The following IKZF3 variants were observed in gnomAD, a reference collection of about 807,000 sequenced individuals.
The protein encoded by IKZF3 is zinc finger protein Aiolos.
IKZF3 carries 10 observed loss-of-function variants against 49.0 expected under a neutral mutation model. That is an observed-to-expected ratio of 0.20 (90% confidence interval 0.13 to 0.35). The LOEUF (loss-of-function observed/expected upper bound fraction) is 0.35, where lower values mean the gene tolerates loss of function less well. IKZF3 is among the 10% of genes least tolerant of loss of function. The probability of loss-of-function intolerance (pLI) is 1.00; values close to 1 mark genes in which losing one functional copy is unlikely to be tolerated. For missense variants in IKZF3, 498 were observed against 664.8 expected, an observed-to-expected ratio of 0.75 and a Z score of 2.76; for synonymous variants, 209 against 228.2, an observed-to-expected ratio of 0.92 and a Z score of 0.76.
intron 3 of IKZF3, among the ~76,000 whole-genome samples, chr17:39,798,258 AT>A (rs1406397760): frequency 1.3e-5 from 2 of 151,928 alleles, no homozygotes; most frequent in African/African-American, 4.8e-5. Flanking sequence ...CTCTTCCTAA[AT>A]TCTACCTCTG....
At chr17:39,808,876 A>G (rs1193513623) in intron 3 of IKZF3, among the ~76,000 whole-genome samples, 2 of 152,246 alleles carry the variant, frequency 1.3e-5, no homozygotes, top group East Asian at 3.8e-4. Context: ...ACCATTAAGT[A>G]GTGTTTGTTC....
chr17:39,851,743 G>A (rs1249828843), intron 1 of IKZF3, among the ~76,000 whole-genome samples: 1 of 152,064 alleles, frequency 6.6e-6, no homozygotes, highest in African/African-American at 2.4e-5. Context: ...TTGTATAAAG[G>A]TGAAAAATAA....
chr17:39,775,824 T>C (rs2060567114), intron 7 of IKZF3, among the ~76,000 whole-genome samples: 1 of 150,646 alleles, frequency 6.6e-6, no homozygotes, highest in Non-Finnish European at 1.5e-5. Flanking sequence ...CTCAGGAGGC[T>C]GAGGCAGGAA....
At chr17:39,801,102 G>A (rs570255790) in intron 3 of IKZF3, among the ~76,000 whole-genome samples, 11 of 152,250 alleles carry the variant, frequency 7.2e-5, no homozygotes, top group Admixed American at 4.6e-4. Flanking sequence ...CAGGTCTGCC[G>A]GAGATATTGT....
rs2060117042 is a variant in IKZF3, at chr17:39,758,743, TTCCAAGGGTCAGCAGATCCTC to T, written c.*7026_*7046del. On this transcript the variant is annotated 3_prime_UTR_variant, in exon 8 of 8. Coordinates refer to ENST00000346872, the MANE Select transcript of IKZF3 (RefSeq NM_012481.5). ...ATAGCACGTGGTTAGCTCACGCTGG[TTCCAAGGGTCAGCAGATCCTC>T]TGCCCTTGTGCATTAAAACAACATG... 1 of 151,378 alleles carries T rather than the reference TTCCAAGGGTCAGCAGATCCTC, an allele frequency of 6.6e-6. No homozygotes were observed. The highest frequency in any genetic ancestry group is 6.6e-5 in the Admixed American group (1 of 15,150). 9.4% of individuals were successfully genotyped at this position (151,378 alleles called of 1,614,324 possible).
chr17:39,833,889 T>G (rs2062186558), intron 1 of IKZF3, among the ~76,000 whole-genome samples: 1 of 152,194 alleles, frequency 6.6e-6, no homozygotes, highest in African/African-American at 2.4e-5. Context: ...TGAATATATA[T>G]TCATACATTA....
chr17:39,801,359 G>C (rs958998674), intron 3 of IKZF3, among the ~76,000 whole-genome samples: 17 of 138,096 alleles, frequency 1.2e-4, no homozygotes, highest in African/African-American at 4.7e-4. Flanking sequence ...GAAAGGGGGT[G>C]GGGGGGGGCT....
At chr17:39,854,050 T>C (rs1197493113) in intron 1 of IKZF3, among the ~76,000 whole-genome samples, 3 of 152,176 alleles carry the variant, frequency 2.0e-5, no homozygotes, top group South Asian at 4.1e-4. Context: ...CACTTGAACC[T>C]GGGAGGCGGA....
intron 5 of IKZF3, among the ~76,000 whole-genome samples, 200 bp from the exon 6 acceptor site, chr17:39,788,574 T>C (rs1027741825): frequency 5.9e-5 from 9 of 152,226 alleles, no homozygotes; most frequent in African/African-American, 1.9e-4. Context: ...GTCAGAGTAT[T>C]CTTCAAAAGG....
intron 3 of IKZF3, among the ~76,000 whole-genome samples, chr17:39,820,143 A>T (rs1231870404): frequency 6.6e-6 from 1 of 152,236 alleles, no homozygotes; most frequent in African/African-American, 2.4e-5. Context: ...TAGCCCAAGA[A>T]GGCTGGAAGG....
chr17:39,793,098 T>G (rs2061070847), intron 3 of IKZF3, among the ~76,000 whole-genome samples, 165 bp from the exon 4 acceptor site: 1 of 152,224 alleles, frequency 6.6e-6, no homozygotes, highest in African/African-American at 2.4e-5. Context: ...CGCACGTTAT[T>G]TAAATTCAGA....
In IKZF3 at chr17:39,760,344, A is replaced by G; in HGVS notation, c.*5446T>C. 6.6e-6 allele frequency: 1 copy of G among 150,522 alleles called. No homozygotes were observed. Among genetic ancestry groups the G allele is most frequent in the Non-Finnish European group, 1.5e-5 (1 of 67,762 alleles). 9.3% of individuals were successfully genotyped at this position (150,522 alleles called of 1,614,324 possible). Reference sequence around the variant, plus strand: ...GCTAATTTTTGTATTTTTTTTTTCGAGATGGAGTCTCACTCTGTCACCCAG... The same window carrying G: ...GCTAATTTTTGTATTTTTTTTTTCGGGATGGAGTCTCACTCTGTCACCCAG... On this transcript the variant is annotated 3_prime_UTR_variant, in exon 8 of 8. Coordinates refer to ENST00000346872, the MANE Select transcript of IKZF3 (RefSeq NM_012481.5).
chr17:39,791,425 T>C lies in IKZF3; in HGVS notation c.583A>G (p.Thr195Ala). ...CATTTCTCTCACTTACCAGAATGTG[T>C]CCTAAGATGCCCCGTGAGCGCATCT... ...RRDALTGHLR[T>A]HSVEKPYKCE... is the part of the protein sequence containing the mutation. The change falls in exon 5 of 8, where the codon ACA becomes GCA. Residue 195 changes from threonine (T) to alanine (A), a missense_variant. By Grantham distance (58) the Thr-to-Ala change is moderately conservative. Coordinates refer to ENST00000346872, the MANE Select transcript of IKZF3 (RefSeq NM_012481.5). 6.2e-7 allele frequency: 1 copy of C among 1,613,934 alleles called. No homozygotes were observed. The highest frequency in any genetic ancestry group is 8.5e-7 in the Non-Finnish European group (1 of 1,179,886).
intron 7 of IKZF3, among the ~76,000 whole-genome samples, chr17:39,776,980 ATGGTCACATTTATGTAAACATC>A (rs1444449604): frequency 1.3e-5 from 2 of 152,258 alleles, no homozygotes; most frequent in Non-Finnish European, 2.9e-5. Context: ...TTCAAATATC[ATGGTCACATTTATGTAAACATC>A]TGGGAGAGTT....
chr17:39,851,489 G>A (rs1018045930), intron 1 of IKZF3, among the ~76,000 whole-genome samples: 1 of 152,082 alleles, frequency 6.6e-6, no homozygotes, highest in East Asian at 1.9e-4. Context: ...ATAAAACAGA[G>A]TGAACTACTA....
intron 2 of IKZF3, 128 bp downstream of exon 2, chr17:39,831,970 C>G (rs536305251): frequency 1.4e-5 from 9 of 658,202 alleles, no homozygotes; most frequent in Middle Eastern, 2.6e-4. Context: ...AACAGACAAC[C>G]ATATTTAAAA....
At chr17:39,811,493 T>C (rs934562123) in intron 3 of IKZF3, among the ~76,000 whole-genome samples, 3 of 152,034 alleles carry the variant, frequency 2.0e-5, no homozygotes, top group Middle Eastern at 3.2e-3. Context: ...GCAAGCTCAA[T>C]GGCAGCAGTC....
intron 7 of IKZF3, among the ~76,000 whole-genome samples, chr17:39,774,496 T>C (rs1182134200): frequency 2.0e-5 from 3 of 152,176 alleles, no homozygotes; most frequent in Non-Finnish European, 4.4e-5. Context: ...CATCACTTCA[T>C]CTCATACACT....
intron 1 of IKZF3, among the ~76,000 whole-genome samples, chr17:39,859,648 C>T (rs1033468869): frequency 3.9e-5 from 6 of 152,142 alleles, no homozygotes; most frequent in Non-Finnish European, 8.8e-5. Context: ...CTCAGCCTCC[C>T]AAAGTGCTAG....
Sources: gnomAD v4.1 joint callset for allele counts (sites outside exome capture counted in the v4.1 genomes callset) on GRCh38, gnomAD v4.1.1 for gene constraint, MANE v1.5 for transcripts, NCBI Gene and HGNC (gene_info 2026-07-23, HGNC 2026-07-21) for gene names.